DENND2B: variants seen among roughly 807,000 people sequenced by gnomAD.
DENND2B encodes the protein DENN domain-containing protein 2B.
A neutral mutation model predicts 116.0 loss-of-function variants in DENND2B; 32 were observed. The ratio of observed to expected loss-of-function variants is 0.28; its 90% CI spans 0.21 to 0.37. The LOEUF is 0.37. DENND2B is among the 10% of genes least tolerant of loss of function. The pLI, the probability that DENND2B is intolerant of heterozygous loss-of-function variation, is 1.00. For synonymous variants in DENND2B, 588 were observed against 583.9 expected, an observed-to-expected ratio of 1.01 and a Z score of -0.10; for missense variants, 1,276 against 1,477.7, an observed-to-expected ratio of 0.86 and a Z score of 2.24.
Position 8,760,281 on chromosome 11 carries a change from G to A in DENND2B, c.-25-9556C>T, listed in dbSNP as rs555763530. On this transcript the variant is annotated intron_variant, in intron 1 of 19. Coordinates refer to ENST00000313726, the MANE Select transcript of DENND2B (RefSeq NM_213618.2). ...TGACCTGCCCACACAACCCAGAGCC[G>A]CTGCAAGCTTCAGTAACCTTAGATT... 8.3e-4 allele frequency among the ~76,000 whole-genome samples: 127 copies of A among 152,106 alleles called. 1 individual carries two copies. The highest frequency in any genetic ancestry group is 2.7e-3 in the African/African-American group (112 of 41,490).
intron 1 of DENND2B, chr11:8,774,186 G>A: frequency 1.0e-6 from 1 of 985,412 alleles, no homozygotes; most frequent in Non-Finnish European, 1.2e-6. Context: ...CTTCACGTTG[G>A]GTTCTTGACA....
At chr11:8,710,987 G>A (rs139173167) in intron 10 of DENND2B, 73 bp from the exon 11 acceptor site, 30 of 1,587,038 alleles carry the variant, frequency 1.9e-5, no homozygotes, top group South Asian at 4.5e-5. Context: ...AATAGGGACC[G>A]TCATTTTCAC....
intron 8 of DENND2B, among the ~76,000 whole-genome samples, chr11:8,713,624 C>T (rs2044181681): frequency 6.6e-6 from 1 of 152,196 alleles, no homozygotes; most frequent in South Asian, 2.1e-4. Flanking sequence ...TCGTGATCTG[C>T]CCGCCTTGGC....
intron 4 of DENND2B, among the ~76,000 whole-genome samples, chr11:8,839,074 G>A (rs192844409): frequency 4.6e-5 from 7 of 152,222 alleles, no homozygotes; most frequent in Non-Finnish European, 8.8e-5. Flanking sequence ...AGGAGGAAGA[G>A]AGAAAGAGAA....
chr11:8,787,716 G>A lies in DENND2B; in HGVS notation c.-26+22801C>T, dbSNP rs2059037651. Among the ~76,000 whole-genome samples the A allele has an allele frequency of 2.6e-5, 4 of 152,316 alleles. No individual in the cohort carries two copies. In the South Asian group the frequency reaches 8.3e-4, roughly 32 times the overall value. On this transcript the variant is annotated intron_variant, in intron 1 of 19. Transcript: ENST00000313726. ...CAGAATCCAGGAGATGCTGGCATTT[G>A]GCCAGGTAGGCCTTCTTTTCTCTCA...
intron 4 of DENND2B, among the ~76,000 whole-genome samples, chr11:8,827,517 G>C (rs1344437164): frequency 6.6e-6 from 1 of 152,202 alleles, no homozygotes; most frequent in Non-Finnish European, 1.5e-5. Flanking sequence ...TAAAGGCCCA[G>C]AGGAGATGAA....
intron 2 of DENND2B, among the ~76,000 whole-genome samples, chr11:8,880,094 A>G (rs530363733): frequency 1.3e-5 from 2 of 152,274 alleles, no homozygotes; most frequent in African/African-American, 4.8e-5. Flanking sequence ...GCTGGGGAAC[A>G]TGGTTGACAT....
At chr11:8,848,164 G>C (rs944788828) in intron 3 of DENND2B, among the ~76,000 whole-genome samples, 3 of 152,168 alleles carry the variant, frequency 2.0e-5, no homozygotes, top group Admixed American at 6.5e-5. Context: ...AACTCTCAGA[G>C]AAAGTATTTT....
At chr11:8,716,950 A>G (rs2044965422) in intron 5 of DENND2B, among the ~76,000 whole-genome samples, 1 of 152,250 alleles carries the variant, frequency 6.6e-6, no homozygotes, top group Non-Finnish European at 1.5e-5. Flanking sequence ...GCTATGGGGT[A>G]AATCTTTTAT....
intron 1 of DENND2B, among the ~76,000 whole-genome samples, chr11:8,899,723 A>C (rs1205498317): frequency 6.6e-6 from 1 of 152,250 alleles, no homozygotes; most frequent in Admixed American, 6.5e-5. Context: ...AGGCTGATGG[A>C]AAGTGATTTT....
intron 2 of DENND2B, among the ~76,000 whole-genome samples, chr11:8,870,525 G>A (rs1188630497): frequency 6.8e-6 from 1 of 147,502 alleles, no homozygotes; most frequent in Non-Finnish European, 1.5e-5. Flanking sequence ...GTGTGTGTGT[G>A]CGCGCGCGCG....
intron 1 of DENND2B, among the ~76,000 whole-genome samples, chr11:8,802,299 G>GAAAA (rs35492912): frequency 5.7e-4 from 83 of 144,570 alleles, no homozygotes; most frequent in Non-Finnish European, 9.1e-4. Flanking sequence ...ACTCTGTCTG[G>GAAAA]AAAAAAAAAA....
chr11:8,737,198 T>C (rs1194939610), intron 2 of DENND2B, among the ~76,000 whole-genome samples: 2 of 152,120 alleles, frequency 1.3e-5, no homozygotes, highest in Non-Finnish European at 2.9e-5. Context: ...TATATAGAAA[T>C]ATTTAAAACC....
chr11:8,729,836 C>G (rs2047787034), intron 3 of DENND2B, 114 bp downstream of exon 3: 1 of 1,370,442 alleles, frequency 7.3e-7, no homozygotes, highest in African/African-American at 1.4e-5. Flanking sequence ...TTCAGCACTT[C>G]AGAGCTTACG....
rs34217164 is a variant in DENND2B, at chr11:8,906,205, C to CT, written c.-256+4615dup. ...ACCTCAATAAAGAAGTCTTTTTTTT[C>CT]TTTTTTTTTTTTTTTTTTGAGATGG... On this transcript the variant is annotated intron_variant, in intron 1 of 22. Coordinates refer to the DENND2B transcript ENST00000534127. Among the ~76,000 whole-genome samples, 358 of 93,288 alleles carry CT rather than the reference C, an allele frequency of 3.8e-3. 4 individuals are homozygous for CT. Among genetic ancestry groups the CT allele is most frequent in the Middle Eastern group, 7.9e-3 (1 of 126 alleles). The allele number at this position is 93,288 out of a possible 152,430, so 61.2% of individuals were successfully genotyped here. A position where few individuals can be genotyped will look rare whatever the true frequency, so the allele number is the denominator to read the frequency against.
intron 3 of DENND2B, among the ~76,000 whole-genome samples, chr11:8,849,790 T>C (rs111862996): frequency 1.4e-5 from 2 of 147,268 alleles, no homozygotes; most frequent in Non-Finnish European, 3.0e-5. Flanking sequence ...CCCACTGTAC[T>C]CCAGCCTGGG....
intron 3 of DENND2B, among the ~76,000 whole-genome samples, chr11:8,842,359 CTTAGGAAA>C (rs2062654232): frequency 6.6e-6 from 1 of 152,192 alleles, no homozygotes. Context: ...TCCAGCCTCT[CTTAGGAAA>C]GGCCCAGAAC....
At chr11:8,832,924 T>C (rs573346532) in intron 4 of DENND2B, among the ~76,000 whole-genome samples, 9 of 152,340 alleles carry the variant, frequency 5.9e-5, no homozygotes, top group African/African-American at 2.2e-4. Context: ...AGCAAGGGTC[T>C]TAGGGAGACC....
intron 1 of DENND2B, among the ~76,000 whole-genome samples, chr11:8,754,029 GCACACA>G (rs60488372): frequency 5.0e-5 from 7 of 138,830 alleles, no homozygotes; most frequent in South Asian, 2.4e-4. Context: ...CCAAAAGCGC[GCACACA>G]CACACACACA....
Sources: allele counts gnomAD v4.1 joint callset (sites outside exome capture counted in the v4.1 genomes callset), GRCh38; gene constraint gnomAD v4.1.1; transcripts MANE v1.5; gene names NCBI Gene and HGNC (gene_info 2026-07-23, HGNC 2026-07-21).